The following ETFBKMT variants were observed in gnomAD, a reference collection of about 807,000 sequenced individuals.
The protein encoded by ETFBKMT is electron transfer flavoprotein subunit beta lysine methyltransferase.
A neutral mutation model predicts 18.3 loss-of-function variants in ETFBKMT; 13 were observed. The observed-to-expected ratio is 0.71, with a 90% CI of 0.46 to 1.13. ETFBKMT has a LOEUF of 1.13. Ranked by LOEUF, ETFBKMT falls within the 50% of genes most tolerant of loss-of-function variation. The pLI is 0.00. For missense variants in ETFBKMT, 293 were observed against 306.2 expected, an observed-to-expected ratio of 0.96 and a Z score of 0.32; for synonymous variants, 84 against 107.9, an observed-to-expected ratio of 0.78 and a Z score of 1.37.
intron 1 of ETFBKMT, among the ~76,000 whole-genome samples, chr12:31,649,685 T>C (rs11519375): frequency 0.36 from 53,911 of 151,816 alleles, 11,086 homozygotes; most frequent in Non-Finnish European, 0.46. Flanking sequence ...ATCATAGATC[T>C]TTGATGTTTC....
Position 31,666,067 on chromosome 12 carries a change from G to A in ETFBKMT, c.315-20G>A, listed in dbSNP as rs986832698. On this transcript the variant is annotated intron_variant, in intron 2 of 3. Coordinates refer to ENST00000357721, the MANE Select transcript of ETFBKMT (RefSeq NM_001135863.2). ...ATTTTTCCTCATCTCTCTGAGACAT[G>A]TTTCTCCTTTTTAATTTAGGTATCT... 1.2e-6 allele frequency: 2 copies of A among 1,604,684 alleles called. No individual in the cohort carries two copies. The highest frequency in any genetic ancestry group is 8.5e-7 in the Non-Finnish European group (1 of 1,175,534).
At chr12:31,647,844 AAAAC>A (rs1034973551) in intron 1 of ETFBKMT, among the ~76,000 whole-genome samples, 4 of 152,144 alleles carry the variant, frequency 2.6e-5, no homozygotes, top group Non-Finnish European at 5.9e-5. Flanking sequence ...AAAACCAAAG[AAAAC>A]AAACAAACAA....
At chr12:31,647,746 G>A (rs145138783) in intron 1 of ETFBKMT, among the ~76,000 whole-genome samples, 73 of 152,138 alleles carry the variant, frequency 4.8e-4, no homozygotes, top group African/African-American at 1.6e-3. Flanking sequence ...GGAGAATCAC[G>A]TGAACCCGGG....
chr12:31,656,477 G>A (rs10843993), upstream of ETFBKMT, among the ~76,000 whole-genome samples: 20,557 of 152,136 alleles, frequency 0.14, 1,476 homozygotes, highest in Middle Eastern at 0.17. Flanking sequence ...TCAGGAATCC[G>A]GCTGTACCAT....
At chr12:31,655,287 G>A (rs1275012174), upstream of ETFBKMT, among the ~76,000 whole-genome samples, 1 of 152,092 alleles carries the variant, frequency 6.6e-6, no homozygotes, top group East Asian at 1.9e-4. Context: ...GTGTCAAAGC[G>A]CTATACATTA....
chr12:31,658,682 C>G (rs1951082613), upstream of ETFBKMT, among the ~76,000 whole-genome samples: 5 of 152,312 alleles, frequency 3.3e-5, no homozygotes, highest in South Asian at 1.0e-3. Flanking sequence ...GTTTTCCCCC[C>G]TCTAGCACGC....
In ETFBKMT at chr12:31,670,967, G is replaced by A. The variant is rs1387477931; in HGVS notation, c.*2977G>A. On this transcript the variant is annotated 3_prime_UTR_variant, in exon 4 of 4. Transcript: ENST00000357721. ...ATAGGGAATACTGGGTACTGGATGG[G>A]GTACAGATATTTTAAACAGAGTGGT... 1 of 152,092 alleles carries A rather than the reference G, an allele frequency of 6.6e-6. No individual in the cohort carries two copies. Among genetic ancestry groups the A allele is most frequent in the African/African-American group, 2.4e-5 (1 of 41,398 alleles). 9.4% of individuals were successfully genotyped at this position (152,092 alleles called of 1,614,324 possible). A position where few individuals can be genotyped will look rare whatever the true frequency, so the allele number is the denominator to read the frequency against.
chr12:31,662,443 G>C (rs985544454), intron 2 of ETFBKMT, among the ~76,000 whole-genome samples, 176 bp downstream of exon 2: 2 of 151,538 alleles, frequency 1.3e-5, no homozygotes, highest in Non-Finnish European at 2.9e-5. Flanking sequence ...CGCCTGGCCT[G>C]TCTCAAAAAC....
chr12:31,661,448 T>G (rs1951121690), intron 1 of ETFBKMT, among the ~76,000 whole-genome samples: 1 of 152,212 alleles, frequency 6.6e-6, no homozygotes, highest in Admixed American at 6.5e-5. Context: ...AATCATCAGA[T>G]ACAGTAATAT....
In ETFBKMT at chr12:31,669,859, G is replaced by A. The variant is rs1433554695; in HGVS notation, c.*1869G>A. ...TTTGAGGCAGAGTTTCACTCTTATT[G>A]CCCAGGCTGGAGTGCAATGGCGTGA... is the stretch of plus-strand genomic sequence containing the variant. On this transcript the variant is annotated 3_prime_UTR_variant, in exon 4 of 4. Coordinates refer to ENST00000357721, the MANE Select transcript of ETFBKMT (RefSeq NM_001135863.2). 1 of 138,176 alleles carries A rather than the reference G, an allele frequency of 7.2e-6. No homozygotes were observed. The highest frequency in any genetic ancestry group is 1.5e-5 in the Non-Finnish European group (1 of 64,588). 8.6% of individuals were successfully genotyped at this position (138,176 alleles called of 1,614,324 possible). A position where few individuals can be genotyped will look rare whatever the true frequency, so the allele number is the denominator to read the frequency against.
At chr12:31,658,953 C>A (rs1334555003), upstream of ETFBKMT, among the ~76,000 whole-genome samples, 1 of 132,920 alleles carries the variant, frequency 7.5e-6, no homozygotes, top group African/African-American at 2.7e-5. Flanking sequence ...TTTAAATATA[C>A]GGTGTCTATT....
chr12:31,666,266 C>A, intron 3 of ETFBKMT, 49 bp downstream of exon 3: 1 of 1,565,298 alleles, frequency 6.4e-7, no homozygotes, highest in Non-Finnish European at 8.7e-7. Flanking sequence ...TTTTTTTTCT[C>A]TGGGATAAAT....
rs1327433602 is a variant in ETFBKMT, at chr12:31,667,537, A to C, written c.446-110A>C. 10 of 895,552 alleles carry C rather than the reference A, an allele frequency of 1.1e-5. No individual in the cohort carries two copies. In the Admixed American group the frequency reaches 2.9e-4, roughly 26 times the overall value. The allele number at this position is 895,552 out of a possible 1,614,324, so 55.5% of individuals were successfully genotyped here. On this transcript the variant is annotated intron_variant, in intron 3 of 3. Coordinates refer to ENST00000357721, the MANE Select transcript of ETFBKMT (RefSeq NM_001135863.2). The stretch of plus-strand genomic sequence containing the variant: ...TCTACTTTAAAAAACAACTTTCATC[A>C]AAAAGGAAGAAAAATATATTGTTAG...
At chr12:31,647,988 CTATATCACCCAGCACTTCCATTCCTAGG>C (rs1176548552) in intron 1 of ETFBKMT, among the ~76,000 whole-genome samples, 3 of 152,236 alleles carry the variant, frequency 2.0e-5, no homozygotes, top group African/African-American at 7.2e-5. Flanking sequence ...CATAGAGTTA[CTATATCACCCAGCACTTCCATTCCTAGG>C]TATATACCCA....
intron 1 of ETFBKMT, chr12:31,660,853 CTG>C (rs1473285160): frequency 1.3e-5 from 2 of 152,180 alleles, no homozygotes; most frequent in Non-Finnish European, 2.9e-5. Flanking sequence ...AAGGCAAAAA[CTG>C]TGTTTGCCCT....
upstream of ETFBKMT, among the ~76,000 whole-genome samples, chr12:31,658,889 A>T (rs35517071): frequency 6.6e-6 from 1 of 150,706 alleles, no homozygotes; most frequent in Non-Finnish European, 1.5e-5. Flanking sequence ...ATTTAATCGC[A>T]GTTGAATGTA....
At chr12:31,654,883 C>A (rs1215957319), upstream of ETFBKMT, among the ~76,000 whole-genome samples, 1 of 151,932 alleles carries the variant, frequency 6.6e-6, no homozygotes, top group Non-Finnish European at 1.5e-5. Flanking sequence ...TGGTGAAACG[C>A]TGTCTCTACT....
upstream of ETFBKMT, among the ~76,000 whole-genome samples, chr12:31,655,779 C>T (rs1415581357): frequency 6.6e-6 from 1 of 152,144 alleles, no homozygotes; most frequent in Non-Finnish European, 1.5e-5. Context: ...GAAGCCTTTC[C>T]CAAGGAGCAC....
In ETFBKMT at chr12:31,672,240, AGATG is replaced by A. The variant is rs1565755934; in HGVS notation, c.*4252_*4255del. The A allele has an allele frequency of 3.6e-6, 4 of 1,100,682 alleles. No homozygotes were observed. The African/African-American group carries it at 6.2e-5, about 17-fold the overall frequency. 68.2% of individuals were successfully genotyped at this position (1,100,682 alleles called of 1,614,324 possible). On this transcript the variant is annotated 3_prime_UTR_variant, in exon 4 of 4. Transcript: ENST00000357721. ...CATTAAGTAGAATGCAAATCTCTAT[AGATG>A]GTTTCCTGGGAAAGTAGTTTTGATA...
Sources: allele counts gnomAD v4.1 joint callset (sites outside exome capture counted in the v4.1 genomes callset), GRCh38; gene constraint gnomAD v4.1.1; transcripts MANE v1.5; gene names NCBI Gene and HGNC (gene_info 2026-07-23, HGNC 2026-07-21).